The following ATP9B variants were observed in gnomAD, a reference collection of about 807,000 sequenced individuals.
ATP9B encodes the protein probable phospholipid-transporting ATPase IIB.
Under a neutral mutation model 146.1 loss-of-function variants are expected in ATP9B, and 110 were observed. The ratio of observed to expected loss-of-function variants is 0.75; its 90% CI spans 0.65 to 0.88. The LOEUF (loss-of-function observed/expected upper bound fraction) is 0.88, where lower values mean the gene tolerates loss of function less well. Among genes scored for constraint, ATP9B ranks in the 40% least tolerant of loss-of-function variants. ATP9B has a pLI of 0.00. For missense variants in ATP9B, 1,499 were observed against 1,496.4 expected (o/e 1.00, Z -0.03); for synonymous variants, 604 against 569.7 (o/e 1.06, Z -0.86).
intron 10 of ATP9B, among the ~76,000 whole-genome samples, chr18:79,209,127 C>G (rs796384918): frequency 1.3e-4 from 20 of 152,202 alleles, no homozygotes; most frequent in Non-Finnish European, 2.8e-4. Context: ...TGCCAGTTAC[C>G]ATAGAGCCAG....
intron 7 of ATP9B, among the ~76,000 whole-genome samples, chr18:79,161,057 A>G (rs2094873300): frequency 6.6e-6 from 1 of 152,190 alleles, no homozygotes; most frequent in South Asian, 2.1e-4. Context: ...GGTGTAAACC[A>G]CTGAGCCCGG....
At chr18:79,130,714 A>G (rs1436193132) in intron 5 of ATP9B, among the ~76,000 whole-genome samples, 2 of 152,012 alleles carry the variant, frequency 1.3e-5, no homozygotes, top group Admixed American at 6.6e-5. Flanking sequence ...AGAGAGAGAG[A>G]AGTAACTGGT....
intron 4 of ATP9B, 140 bp from the exon 5 acceptor site, chr18:79,126,127 T>C (rs1339766882): frequency 1.6e-6 from 1 of 626,156 alleles, no homozygotes; most frequent in Non-Finnish European, 2.7e-6. Context: ...ATTGTTACTT[T>C]TTGACTTTTT....
intron 11 of ATP9B, among the ~76,000 whole-genome samples, chr18:79,215,147 C>A (rs1165512789): frequency 7.6e-3 from 870 of 115,230 alleles, no homozygotes; most frequent in South Asian, 0.011. Flanking sequence ...GATTCTGTCT[C>A]AAAAAAAAAA....
intron 9 of ATP9B, among the ~76,000 whole-genome samples, chr18:79,199,258 C>T (rs186703149): frequency 3.1e-4 from 47 of 152,102 alleles, no homozygotes; most frequent in African/African-American, 8.9e-4. Flanking sequence ...TTTTTACATA[C>T]CTATAACTTT....
intron 11 of ATP9B, among the ~76,000 whole-genome samples, chr18:79,221,937 AAAAAG>A (rs1384181328): frequency 2.7e-5 from 4 of 150,788 alleles, no homozygotes; most frequent in East Asian, 1.9e-4. Context: ...TTAAAAAAAA[AAAAAG>A]AAAGAAAAAC....
At chr18:79,080,018 G>T (rs1394142641) in intron 1 of ATP9B, among the ~76,000 whole-genome samples, 1 of 152,114 alleles carries the variant, frequency 6.6e-6, no homozygotes, top group Admixed American at 6.5e-5. Flanking sequence ...CTCTGTTTTG[G>T]TACCAGTACT....
At chr18:79,364,527 C>T (rs569209014) in intron 26 of ATP9B, among the ~76,000 whole-genome samples, 3 of 152,272 alleles carry the variant, frequency 2.0e-5, no homozygotes, top group Admixed American at 2.0e-4. Flanking sequence ...CCATGAGCAA[C>T]AGACCCACAA....
At position 79,305,559 on chromosome 18, in the gene ATP9B, T is replaced by G. The variant is rs529611506; in HGVS notation, c.1525-1427T>G. On this transcript the variant is annotated intron_variant, in intron 14 of 29. Transcript: ENST00000426216. ...AGGAATACAGTTTCTCCCAGGAATC[T>G]ATTTCTGCGTTGAAATAGTACCAGA... Among the ~76,000 whole-genome samples, 16 of 152,290 alleles carry G rather than the reference T, an allele frequency of 1.1e-4. No homozygotes were observed. In the East Asian group the frequency reaches 2.9e-3, roughly 28 times the overall value.
chr18:79,364,190 C>T (rs1183758223), intron 26 of ATP9B: 7 of 150,450 alleles, frequency 4.7e-5, no homozygotes, highest in Non-Finnish European at 7.4e-5. Context: ...GGCGTGAACC[C>T]GGGAGGCGGA....
At chr18:79,334,444 A>G (rs1016080011) in intron 17 of ATP9B, among the ~76,000 whole-genome samples, 10 of 151,996 alleles carry the variant, frequency 6.6e-5, no homozygotes, top group Non-Finnish European at 1.0e-4. Flanking sequence ...TTTTTAATGT[A>G]CTTTTTATAG....
At chr18:79,072,895 T>G (rs535757797) in intron 1 of ATP9B, among the ~76,000 whole-genome samples, 1 of 144,950 alleles carries the variant, frequency 6.9e-6, no homozygotes, top group South Asian at 2.3e-4. Context: ...TGGGTAGAGA[T>G]GCTCCTCACC....
At chr18:79,303,565 C>T (rs755159030) in intron 13 of ATP9B, 39 bp from the exon 14 acceptor site, 1 of 1,551,944 alleles carries the variant, frequency 6.4e-7, no homozygotes, top group Non-Finnish European at 8.9e-7. Flanking sequence ...CCGCAGGCCT[C>T]CTGCATTAAT....
intron 9 of ATP9B, 149 bp from the exon 10 acceptor site, chr18:79,206,788 C>T: frequency 3.2e-6 from 2 of 624,880 alleles, no homozygotes. Context: ...TTTATAGTCC[C>T]TTTTTTCTAA....
Position 79,336,125 on chromosome 18 carries a change from C to T in ATP9B, c.2029-503C>T, listed in dbSNP as rs76184680. 3.7e-3 allele frequency among the ~76,000 whole-genome samples: 402 copies of T among 107,820 alleles called. 1 individual carries two copies. The highest frequency in any genetic ancestry group is 8.6e-3 in the Admixed American group (83 of 9,608). 70.7% of individuals were successfully genotyped at this position (107,820 alleles called of 152,430 possible). ...CCACCATGCCCTCCCTGGCACCAGG[C>T]GCTCCCCTCGCCCGTCCCCAGCACC... On this transcript the variant is annotated intron_variant, in intron 17 of 29. Transcript: ENST00000426216.
chr18:79,077,717 GT>G (rs2072780445), intron 1 of ATP9B, among the ~76,000 whole-genome samples: 1 of 152,084 alleles, frequency 6.6e-6, no homozygotes, highest in Admixed American at 6.6e-5. Context: ...AAAACAAGAG[GT>G]TCACAGCAAC....
Position 79,329,320 on chromosome 18 carries a change from G to A in ATP9B, c.1935+18G>A. On this transcript the variant is annotated intron_variant, in intron 16 of 29. Transcript: ENST00000426216. Reference sequence around the variant, plus strand: ...TCGTCAGGGTGAGGCTGCGGGGAGGGTGCCACGCGATGGCTTCAGACATTT... The same window carrying A: ...TCGTCAGGGTGAGGCTGCGGGGAGGATGCCACGCGATGGCTTCAGACATTT... 1.3e-6 allele frequency: 2 copies of A among 1,567,220 alleles called. No individual in the cohort carries two copies. The highest frequency in any genetic ancestry group is 1.7e-6 in the Non-Finnish European group (2 of 1,155,336).
At position 79,090,591 on chromosome 18, in the gene ATP9B, C is replaced by T. The variant is rs979516929; in HGVS notation, c.120-5885C>T. Among the ~76,000 whole-genome samples, 34 of 152,262 alleles carry T rather than the reference C, an allele frequency of 2.2e-4. 1 individual carries two copies. The highest frequency in any genetic ancestry group is 5.9e-4 in the Admixed American group (9 of 15,290). On this transcript the variant is annotated intron_variant, in intron 1 of 29. Coordinates refer to ENST00000426216, the MANE Select transcript of ATP9B (RefSeq NM_198531.5). ...TGTCTTCTTTTGAGAAATGTCTATT[C>T]GGATCTTTTGCCCATTTTTTATTAG...
At chr18:79,152,276 A>G (rs2094702310) in intron 6 of ATP9B, among the ~76,000 whole-genome samples, 1 of 152,244 alleles carries the variant, frequency 6.6e-6, no homozygotes, top group South Asian at 2.1e-4. Flanking sequence ...ATGAAGTCTA[A>G]TAAGATTCAA....
Sources: allele counts gnomAD v4.1 joint callset (sites outside exome capture counted in the v4.1 genomes callset), GRCh38; gene constraint gnomAD v4.1.1; transcripts MANE v1.5; gene names NCBI Gene and HGNC (gene_info 2026-07-23, HGNC 2026-07-21).